Variants in PCNT observed in about 807,000 individuals in gnomAD.
PCNT encodes the protein kendrin.
A neutral mutation model predicts 380.4 loss-of-function variants in PCNT; 319 were observed. The observed-to-expected ratio is 0.84, with a 90% CI of 0.77 to 0.92. The LOEUF is 0.92. PCNT is among the 40% of genes least tolerant of loss of function. PCNT has a pLI of 0.00. For missense variants in PCNT, 4,400 were observed against 4,255.3 expected, an observed-to-expected ratio of 1.03 and a Z score of -0.95; for synonymous variants, 1,845 against 1,735.2, an observed-to-expected ratio of 1.06 and a Z score of -1.57.
chr21:46,416,642 C>A lies in PCNT; in HGVS notation c.6724C>A (p.Leu2242Ile). 2 of 1,566,374 alleles carry A rather than the reference C, an allele frequency of 1.3e-6. No homozygotes were observed. Among genetic ancestry groups the A allele is most frequent in the Non-Finnish European group, 1.7e-6 (2 of 1,157,780 alleles). ...CTGGACCCTGGAGCCCTGGCCCAGCCTCCCCGTGACACCCCACTCAGGAGC... is the reference window on the plus strand; with the variant it reads ...CTGGACCCTGGAGCCCTGGCCCAGCATCCCCGTGACACCCCACTCAGGAGC... ...KDWTLEPWPSLPVTPHSGALS... is the reference protein window; with the variant it reads ...KDWTLEPWPSIPVTPHSGALS... Residue 2242 changes from leucine to isoleucine, a missense_variant, in exon 30 of 47, where the codon CTC becomes ATC. Physicochemically the swap from Leu to Ile is conservative, Grantham distance 5. Coordinates refer to ENST00000359568, the MANE Select transcript of PCNT (RefSeq NM_006031.6).
chr21:46,436,469 G>T (rs2053452474), intron 39 of PCNT, among the ~76,000 whole-genome samples: 2 of 40,026 alleles, frequency 5.0e-5, no homozygotes, highest in Non-Finnish European at 1.2e-4. Context: ...AGCCTCCTGT[G>T]GCCCCCCCCC....
rs759470656 is a variant in PCNT at position 46,385,935 on chromosome 21, ACCT to A, written c.3421_3423del (p.Leu1141del). On this transcript the variant is annotated inframe_deletion, in exon 17 of 47. Coordinates refer to ENST00000359568, the MANE Select transcript of PCNT (RefSeq NM_006031.6). ...GAGCGGGAGAACCGGGAAGGCGCAA[ACCT>A]CCTCTCCATGCTCAAGGCCGACGTC... 40 of 1,613,900 alleles carry A rather than the reference ACCT, an allele frequency of 2.5e-5. No individual in the cohort carries two copies. The highest frequency in any genetic ancestry group is 1.6e-4 in the Middle Eastern group (1 of 6,084).
rs571929945 is a variant in PCNT, at chr21:46,375,836, G to A, written c.3166-5858G>A. On this transcript the variant is annotated intron_variant, in intron 15 of 46. Transcript: ENST00000359568. ...CTCCTACGTCCTCTGCAGGTCTGCC[G>A]AAGGCCTGAGAGTGTGCAGGCAGGA... Among the ~76,000 whole-genome samples, 482 of 152,338 alleles carry A rather than the reference G, an allele frequency of 3.2e-3. 4 individuals are homozygous for A. The highest frequency in any genetic ancestry group is 4.4e-3 in the Non-Finnish European group (298 of 68,036).
At chr21:46,394,482 A>G (rs924101733) in intron 21 of PCNT, 8 of 982,782 alleles carry the variant, frequency 8.1e-6, no homozygotes, top group Non-Finnish European at 9.7e-6. Context: ...CCACCTCAGT[A>G]AACGCAAACT....
At position 46,359,853 on chromosome 21, in the gene PCNT, C is replaced by T. The variant is rs1321101707; in HGVS notation, c.2154+2662C>T. 2.6e-5 allele frequency among the ~76,000 whole-genome samples: 4 copies of T among 151,022 alleles called. No individual in the cohort carries two copies. The East Asian group carries it at 5.8e-4, about 22-fold the overall frequency. On this transcript the variant is annotated intron_variant, in intron 13 of 46. Transcript: ENST00000359568. ...TTTGTCTGGTGTATCTTTTTTTATT[C>T]GTTTTACCTTTTTTTTTTTCTTTTT... is the stretch of plus-strand genomic sequence containing the variant.
chr21:46,337,430 T>C (rs1417313928), intron 3 of PCNT, among the ~76,000 whole-genome samples: 1 of 152,212 alleles, frequency 6.6e-6, no homozygotes, highest in East Asian at 1.9e-4. Flanking sequence ...TCACAACTGT[T>C]TTCCAAGGTT....
At chr21:46,417,515 G>A (rs1602034465) in intron 30 of PCNT, among the ~76,000 whole-genome samples, 1 of 150,722 alleles carries the variant, frequency 6.6e-6, no homozygotes, top group East Asian at 1.9e-4. Flanking sequence ...ATTTTTAACA[G>A]GTTTCACATA....
At position 46,393,812 on chromosome 21, in the gene PCNT, A is replaced by G. The variant is rs535988527; in HGVS notation, c.4216+2436A>G. 4.6e-5 allele frequency among the ~76,000 whole-genome samples: 7 copies of G among 152,196 alleles called. No homozygotes were observed. In the South Asian group the frequency reaches 1.0e-3, roughly 23 times the overall value. ...CCTTGCCTCTGGTTCATCTCCTGCC[A>G]CAAAGCCTGGCCCACCAGGGAGTGT... On this transcript the variant is annotated intron_variant, in intron 21 of 46. Coordinates refer to ENST00000359568, the MANE Select transcript of PCNT (RefSeq NM_006031.6).
chr21:46,383,982 C>A (rs1190780201), intron 16 of PCNT, among the ~76,000 whole-genome samples: 95 of 101,084 alleles, frequency 9.4e-4, no homozygotes, highest in Middle Eastern at 0.02. Context: ...GCGCATTCAC[C>A]ATGTTGTATA....
At chr21:46,390,929 A>G (rs1949910535) in intron 20 of PCNT, 97 bp downstream of exon 20, 1 of 1,428,010 alleles carries the variant, frequency 7.0e-7, no homozygotes, top group Admixed American at 2.0e-5. Flanking sequence ...GGGTTTTTAA[A>G]GTGAAATGTA....
chr21:46,326,361 C>T lies in PCNT; in HGVS notation c.55-16C>T, dbSNP rs770335892. ...ACTTACCTTTGCCTTTACTACTTAT[C>T]TACATTTTTGCGCAGCTTGCTCACT... On this transcript the variant is annotated splice_polypyrimidine_tract_variant and intron_variant, in intron 1 of 46. Coordinates refer to ENST00000359568, the MANE Select transcript of PCNT (RefSeq NM_006031.6). The T allele has an allele frequency of 5.0e-6, 8 of 1,613,304 alleles. No individual in the cohort carries two copies. The highest frequency in any genetic ancestry group is 3.3e-5 in the Admixed American group (2 of 59,998).
At chr21:46,336,129 A>G (rs2083728299) in intron 3 of PCNT, among the ~76,000 whole-genome samples, 1 of 152,166 alleles carries the variant, frequency 6.6e-6, no homozygotes, top group Admixed American at 6.5e-5. Context: ...GGAGCATGCC[A>G]CCACGCCTGG....
intron 15 of PCNT, among the ~76,000 whole-genome samples, chr21:46,369,560 TGGATTTAAAATTA>T (rs1399895600): frequency 1.3e-5 from 2 of 152,218 alleles, no homozygotes; most frequent in Non-Finnish European, 2.9e-5. Flanking sequence ...TCCCAAGCTG[TGGATTTAAAATTA>T]GGTTTTCTTG....
At chr21:46,345,593 C>T (rs1317257492) in intron 3 of PCNT, among the ~76,000 whole-genome samples, 2 of 152,122 alleles carry the variant, frequency 1.3e-5, no homozygotes, top group South Asian at 2.1e-4. Context: ...TAATGAGATA[C>T]AATTAACAAG....
At chr21:46,416,048 C>G (rs956066255) in intron 29 of PCNT, 21 bp from the exon 30 acceptor site, 4 of 1,613,554 alleles carry the variant, frequency 2.5e-6, no homozygotes, top group Non-Finnish European at 2.5e-6. Context: ...CCACCGTGCA[C>G]CTGTTCTGTT....
intron 3 of PCNT, among the ~76,000 whole-genome samples, chr21:46,337,380 G>A (rs2083780557): frequency 6.6e-6 from 1 of 152,216 alleles, no homozygotes; most frequent in African/African-American, 2.4e-5. Flanking sequence ...GGATTTAAGT[G>A]TTTGTTTACA....
chr21:46,404,858 C>G (rs2086577629), intron 27 of PCNT, among the ~76,000 whole-genome samples: 2 of 152,018 alleles, frequency 1.3e-5, no homozygotes. Context: ...TCACTTGAAC[C>G]CAGGAGATGG....
At chr21:46,440,576 A>G (rs1370903731) in intron 42 of PCNT, among the ~76,000 whole-genome samples, 1 of 152,178 alleles carries the variant, frequency 6.6e-6, no homozygotes, top group Non-Finnish European at 1.5e-5. Context: ...TTTGGACCTT[A>G]CCTAAGGGGT....
chr21:46,430,907 C>T (rs1313051907), intron 37 of PCNT: 1 of 985,314 alleles, frequency 1.0e-6, no homozygotes, highest in African/African-American at 1.7e-5. Context: ...CCCCCCGTCC[C>T]TGAGCACTTG....
Sources: allele counts gnomAD v4.1 joint callset (sites outside exome capture counted in the v4.1 genomes callset), GRCh38; gene constraint gnomAD v4.1.1; transcripts MANE v1.5; gene names NCBI Gene and HGNC (gene_info 2026-07-23, HGNC 2026-07-21).